Variants in PHF7 observed in about 807,000 individuals in gnomAD.
PHF7 encodes the protein PHD finger protein 7, also known as E3 ubiquitin-protein ligase PHF7.
A neutral mutation model predicts 47.5 loss-of-function variants in PHF7; 24 were observed. The ratio of observed to expected loss-of-function variants is 0.51; its 90% CI spans 0.37 to 0.71. The LOEUF (loss-of-function observed/expected upper bound fraction) is 0.71, where lower values mean the gene tolerates loss of function less well. Ranked by LOEUF, PHF7 falls within the 30% of genes least tolerant of loss-of-function variation. The probability of loss-of-function intolerance (pLI) is 0.00; values close to 1 mark genes in which losing one functional copy is unlikely to be tolerated. For missense variants in PHF7, 361 were observed against 456.8 expected (o/e 0.79, Z 1.91); for synonymous variants, 156 against 153.8 (o/e 1.01, Z -0.11).
chr3:52,422,933 C>A, intron 10 of PHF7, 52 bp downstream of exon 10: 1 of 1,609,882 alleles, frequency 6.2e-7, no homozygotes. Flanking sequence ...GCTGTAGGGA[C>A]TTGTGGTGCC....
rs749563529 is a variant in PHF7, at chr3:52,422,227, C to T, written c.686C>T (p.Ala229Val). ...TGTTTCTTCTCCCACTGCAGAGATGCTGCCTGGGAACTCGAGCCAGGGGCT... is the reference window on the plus strand; with the variant it reads ...TGTTTCTTCTCCCACTGCAGAGATGTTGCCTGGGAACTCGAGCCAGGGGCT... ...RMGIHIPDRD[A>V]AWELEPGAFS... is the part of the protein sequence containing the mutation. Residue 229 changes from alanine (A) to valine (V), a missense_variant, in exon 9 of 11, where the codon GCT becomes GTT. Ala to Val is a moderately conservative substitution (Grantham distance 64). Transcript: ENST00000327906. 5.6e-6 allele frequency: 9 copies of T among 1,605,294 alleles called. No homozygotes were observed. The highest frequency in any genetic ancestry group is 6.8e-6 in the Non-Finnish European group (8 of 1,171,868).
chr3:52,416,419 C>T (rs1293788348), intron 4 of PHF7, among the ~76,000 whole-genome samples: 1 of 150,946 alleles, frequency 6.6e-6, no homozygotes, highest in Non-Finnish European at 1.5e-5. Context: ...CTCTTGACCT[C>T]GTGATCTGCC....
chr3:52,423,192 C>T lies in PHF7; in HGVS notation c.1021C>T (p.Leu341Phe). The T allele has an allele frequency of 6.2e-7, 1 of 1,613,918 alleles. No homozygotes were observed. Among genetic ancestry groups the T allele is most frequent in the Non-Finnish European group, 8.5e-7 (1 of 1,179,748 alleles). The change falls in exon 11 of 11, where the codon CTT becomes TTT. Residue 341 changes from leucine (L) to phenylalanine (F), a missense_variant. Transcript: ENST00000327906. ...RDNTLEENPG[L>F]SWTDWPEPSL... The stretch of plus-strand genomic sequence containing the variant: ...CAACACCTTGGAAGAGAATCCGGGC[C>T]TTTCTTGGACTGATTGGCCAGAACC...
At chr3:52,419,511 G>C (rs897418284) in intron 4 of PHF7, among the ~76,000 whole-genome samples, 1 of 150,088 alleles carries the variant, frequency 6.7e-6, no homozygotes, top group Non-Finnish European at 1.5e-5. Context: ...CTCACTGCAA[G>C]CTCCACCCTC....
intron 6 of PHF7, 102 bp from the exon 7 acceptor site, chr3:52,420,801 C>T: frequency 9.9e-7 from 1 of 1,011,826 alleles, no homozygotes; most frequent in East Asian, 2.4e-5. Flanking sequence ...TGTGGAGGTT[C>T]ACTGGGCACC....
At position 52,420,409 on chromosome 3, in the gene PHF7, C is replaced by G; in HGVS notation, c.387C>G (p.Cys129Trp). The G allele has an allele frequency of 1.2e-6, 2 of 1,614,104 alleles. No homozygotes were observed. The highest frequency in any genetic ancestry group is 1.7e-6 in the Non-Finnish European group (2 of 1,179,974). Residue 129 changes from cysteine to tryptophan, a missense_variant, in exon 6 of 11, where the codon TGC (cysteine) becomes TGG (tryptophan). Coordinates refer to ENST00000327906, the MANE Select transcript of PHF7 (RefSeq NM_016483.7). ...FHLPCGQERG[C>W]LSQFFGEYKS... Reference sequence around the variant, plus strand: ...TGCCTTGTGGCCAAGAAAGGGGTTGCCTTTCACAATTTTTTGGAGAGTACA... The same window carrying G: ...TGCCTTGTGGCCAAGAAAGGGGTTGGCTTTCACAATTTTTTGGAGAGTACA...
chr3:52,413,389 G>C (rs971859839), intron 2 of PHF7, among the ~76,000 whole-genome samples: 2 of 152,224 alleles, frequency 1.3e-5, no homozygotes, highest in Non-Finnish European at 1.5e-5. Context: ...ATTCAGAGTA[G>C]TTGGCAGAAG....
intron 1 of PHF7, among the ~76,000 whole-genome samples, chr3:52,411,706 C>G (rs567707202): frequency 3.3e-5 from 5 of 152,196 alleles, no homozygotes; most frequent in African/African-American, 1.2e-4. Flanking sequence ...CTTTCGTTCC[C>G]GTTCACTTTC....
rs1265898630 is a variant in PHF7, at chr3:52,410,759, C to G, written c.-558C>G. On this transcript the variant is annotated 5_prime_UTR_variant, in exon 1 of 11. Transcript: ENST00000327906. ...GCTCCAGTACAGCGGCGCCCTCAGA[C>G]AGCTGGGAGGGTGGCTCTGGCCGGG... 3 of 152,556 alleles carry G rather than the reference C, an allele frequency of 2.0e-5. No individual in the cohort carries two copies. The highest frequency in any genetic ancestry group is 6.5e-5 in the Admixed American group (1 of 15,286). The allele number at this position is 152,556 out of a possible 1,614,324, so 9.5% of individuals were successfully genotyped here.
At chr3:52,420,135 G>A in intron 5 of PHF7, 176 bp from the exon 6 acceptor site, 1 of 820,526 alleles carries the variant, frequency 1.2e-6, no homozygotes. Context: ...GAGAAAATAG[G>A]AAAGAACTCA....
At chr3:52,421,991 G>A (rs1705805050) in intron 8 of PHF7, 3 of 593,044 alleles carry the variant, frequency 5.1e-6, no homozygotes, top group African/African-American at 1.9e-5. Flanking sequence ...TCCCTGGGGG[G>A]TTGAGTTATT....
intron 4 of PHF7, 61 bp downstream of exon 4, chr3:52,414,648 C>G: frequency 1.1e-6 from 1 of 888,850 alleles, no homozygotes. Flanking sequence ...TGACTGTTCT[C>G]TGTTACATTC....
chr3:52,416,722 A>G (rs1235130116), intron 4 of PHF7, among the ~76,000 whole-genome samples: 1 of 150,948 alleles, frequency 6.6e-6, no homozygotes, highest in Non-Finnish European at 1.5e-5. Context: ...AGTCCCAGCT[A>G]CTCGGGAGGC....
intron 7 of PHF7, 77 bp downstream of exon 7, chr3:52,421,139 C>A: frequency 1.5e-6 from 2 of 1,328,496 alleles, no homozygotes; most frequent in Non-Finnish European, 2.1e-6. Flanking sequence ...CCTGGGAATG[C>A]TCAGGTGTGC....
At chr3:52,419,097 G>A (rs1705707192) in intron 4 of PHF7, among the ~76,000 whole-genome samples, 1 of 152,028 alleles carries the variant, frequency 6.6e-6, no homozygotes, top group Non-Finnish European at 1.5e-5. Flanking sequence ...GAGCCACCGT[G>A]CCTGGCCAAG....
At position 52,411,008 on chromosome 3, in the gene PHF7, A is replaced by AT. The variant is rs900870596; in HGVS notation, c.-303dup. 2.0e-5 allele frequency: 3 copies of AT among 152,090 alleles called. No homozygotes were observed. The highest frequency in any genetic ancestry group is 7.2e-5 in the African/African-American group (3 of 41,436). The allele number at this position is 152,090 out of a possible 1,614,324, so 9.4% of individuals were successfully genotyped here. Reference sequence around the variant, plus strand: ...GGCGGCGGGTCGAACACGTTTATTTATTTTTTATTTTCTCAACAAGCTTTT... The same window carrying AT: ...GGCGGCGGGTCGAACACGTTTATTTATTTTTTTATTTTCTCAACAAGCTTTT... On this transcript the variant is annotated 5_prime_UTR_variant, in exon 1 of 11. Transcript: ENST00000327906.
chr3:52,416,530 C>A (rs1311699635), intron 4 of PHF7, among the ~76,000 whole-genome samples: 1 of 150,392 alleles, frequency 6.6e-6, no homozygotes, highest in Non-Finnish European at 1.5e-5. Context: ...AATATTTTTA[C>A]CCATTTAAAA....
chr3:52,412,749 TG>T (rs1705490641), intron 1 of PHF7, 61 bp from the exon 2 acceptor site: 2 of 740,446 alleles, frequency 2.7e-6, no homozygotes, highest in Admixed American at 2.3e-5. Context: ...GCCTTGACCC[TG>T]GGGAACTTGA....
chr3:52,416,039 G>A (rs1365232311), intron 4 of PHF7, among the ~76,000 whole-genome samples: 1 of 152,144 alleles, frequency 6.6e-6, no homozygotes, highest in South Asian at 2.1e-4. Context: ...TATTCTTGCC[G>A]GAACTTTGTT....
Sources: allele counts gnomAD v4.1 joint callset (sites outside exome capture counted in the v4.1 genomes callset), GRCh38; gene constraint gnomAD v4.1.1; transcripts MANE v1.5; gene names NCBI Gene and HGNC (gene_info 2026-07-23, HGNC 2026-07-21).